Variants in MIB1 observed in about 807,000 individuals in gnomAD.
The protein encoded by MIB1 is MIB E3 ubiquitin protein ligase 1.
Under a neutral mutation model 124.5 loss-of-function variants are expected in MIB1, and 278 were observed. That is an observed-to-expected ratio of 2.23 (90% CI 2.02 to 2.47). MIB1 has a LOEUF of 2.47. Ranked by LOEUF, MIB1 falls within the 30% of genes most tolerant of loss-of-function variation. The probability of loss-of-function intolerance (pLI) is 0.00; values close to 1 mark genes in which losing one functional copy is unlikely to be tolerated. For synonymous variants in MIB1, 446 were observed against 429.4 expected (o/e 1.04, Z -0.48); for missense variants, 957 against 1,254.4 (o/e 0.76, Z 3.58).
rs534832167 is a variant in MIB1, at chr18:21,727,882, C to T, written n.167+22759C>T. On this transcript the variant is annotated intron_variant and non_coding_transcript_variant, in intron 1 of 20. Transcript: ENST00000578646. ...AGAAAATGAATTCTGCAAGCAATCA[C>T]ATGAACTTGGAAGAGGACCCTGAAC... Among the ~76,000 whole-genome samples the T allele has an allele frequency of 3.2e-4, 48 of 152,272 alleles. 1 individual carries two copies. The East Asian group carries it at 9.1e-3, about 29-fold the overall frequency.
At chr18:21,762,123 A>G (rs1195994710) in intron 1 of MIB1, among the ~76,000 whole-genome samples, 1 of 152,258 alleles carries the variant, frequency 6.6e-6, no homozygotes, top group Non-Finnish European at 1.5e-5. Flanking sequence ...GATTAAAAAT[A>G]CTACTTCAGT....
rs775096471 is a variant in MIB1, at chr18:21,843,112, A to T, written c.1963-19A>T. The T allele has an allele frequency of 1.6e-5, 26 of 1,583,888 alleles. No homozygotes were observed. Among genetic ancestry groups the T allele is most frequent in the Non-Finnish European group, 2.2e-5 (26 of 1,161,104 alleles). On this transcript the variant is annotated intron_variant, in intron 13 of 20. Coordinates refer to ENST00000261537, the MANE Select transcript of MIB1 (RefSeq NM_020774.4). ...TGTTGTCAAATTTTAACCATTTAAC[A>T]TTTGTTCTTCTCGTTCAGGGTAATG...
intron 1 of MIB1, among the ~76,000 whole-genome samples, chr18:21,730,318 G>A (rs1285273814): frequency 6.6e-6 from 1 of 152,200 alleles, no homozygotes; most frequent in East Asian, 1.9e-4. Flanking sequence ...TGTAATCCCA[G>A]CACTTCGGGA....
At chr18:21,818,343 C>T (rs1246216803) in intron 11 of MIB1, among the ~76,000 whole-genome samples, 3 of 152,142 alleles carry the variant, frequency 2.0e-5, no homozygotes, top group Non-Finnish European at 2.9e-5. Flanking sequence ...TGAAAGCCAC[C>T]GACTTTCAAT....
At chr18:21,836,815 G>A (rs2042037625) in intron 12 of MIB1, among the ~76,000 whole-genome samples, 1 of 152,112 alleles carries the variant, frequency 6.6e-6, no homozygotes, top group African/African-American at 2.4e-5. Context: ...TAGGGTAAGA[G>A]ATAATGTATG....
chr18:21,798,239 T>C lies in MIB1; in HGVS notation c.1237+11T>C, dbSNP rs749832925. On this transcript the variant is annotated intron_variant, in intron 8 of 20. Transcript: ENST00000261537. ...GCAATGCATCTGGTGGTATGTTTTA[T>C]ATTGTGTTTCTTTAAGAGTAATGTG... 1.9e-5 allele frequency: 30 copies of C among 1,612,276 alleles called. No individual in the cohort carries two copies. The highest frequency in any genetic ancestry group is 2.4e-5 in the Non-Finnish European group (28 of 1,178,776).
At chr18:21,771,987 CA>C (rs545732445) in intron 3 of MIB1, among the ~76,000 whole-genome samples, 22 of 142,578 alleles carry the variant, frequency 1.5e-4, no homozygotes, top group Non-Finnish European at 1.8e-4. Context: ...GTGACAAGAG[CA>C]AAAAAAAAAA....
In MIB1 at chr18:21,773,610, A is replaced by G; in HGVS notation, c.532-14A>G. The G allele has an allele frequency of 6.3e-7, 1 of 1,588,280 alleles. No homozygotes were observed. The highest frequency in any genetic ancestry group is 2.3e-5 in the East Asian group (1 of 44,300). On this transcript the variant is annotated splice_polypyrimidine_tract_variant and intron_variant, in intron 3 of 20. Transcript: ENST00000261537. ...CCTTTAAAAAACTTCTTTTCTCAAA[A>G]ACTATTCTGTTAGGTAACAGAAATC...
At chr18:21,761,169 A>G (rs2041093559) in intron 1 of MIB1, among the ~76,000 whole-genome samples, 1 of 151,998 alleles carries the variant, frequency 6.6e-6, no homozygotes, top group African/African-American at 2.4e-5. Flanking sequence ...TGCTTCTAAC[A>G]CAAATACCAA....
In MIB1 at chr18:21,750,209, A is replaced by C. The variant is rs376463280; in HGVS notation, c.229+8397A>C. Among the ~76,000 whole-genome samples the C allele has an allele frequency of 1.3e-4, 20 of 152,246 alleles. No individual in the cohort carries two copies. In the East Asian group the frequency reaches 2.3e-3, roughly 18 times the overall value. ...CAATGGCATGATCTCAGCTCACTGC[A>C]ACCTCTACCTCCTGGGTGCAAGCAA... On this transcript the variant is annotated intron_variant, in intron 1 of 20. Coordinates refer to ENST00000261537, the MANE Select transcript of MIB1 (RefSeq NM_020774.4).
At chr18:21,834,111 T>G (rs1181439087) in intron 12 of MIB1, among the ~76,000 whole-genome samples, 1 of 152,180 alleles carries the variant, frequency 6.6e-6, no homozygotes, top group Non-Finnish European at 1.5e-5. Context: ...GGGAACAGCC[T>G]GCTGCTGTCC....
chr18:21,724,726 A>ATT (rs1568176687), intron 1 of MIB1, among the ~76,000 whole-genome samples: 1 of 52,846 alleles, frequency 1.9e-5, no homozygotes, highest in Non-Finnish European at 3.5e-5. Context: ...AAAAAAAAAA[A>ATT]AATATATATA....
At chr18:21,749,473 A>G (rs1017659966) in intron 1 of MIB1, among the ~76,000 whole-genome samples, 1 of 152,166 alleles carries the variant, frequency 6.6e-6, no homozygotes, top group African/African-American at 2.4e-5. Context: ...TTTGTGTACT[A>G]ATTTTTAGCT....
intron 1 of MIB1, among the ~76,000 whole-genome samples, chr18:21,720,212 T>A (rs1310793418): frequency 1.3e-5 from 2 of 152,210 alleles, no homozygotes; most frequent in African/African-American, 2.4e-5. Flanking sequence ...AGAAATAGAA[T>A]ATCACTATGT....
chr18:21,765,705 C>T, intron 1 of MIB1, 67 bp from the exon 2 acceptor site: 25 of 1,459,544 alleles, frequency 1.7e-5, no homozygotes, highest in South Asian at 7.9e-5. Flanking sequence ...ATTTTTTTCC[C>T]CCAAGGAATA....
At chr18:21,730,063 G>A (rs971650564) in intron 1 of MIB1, among the ~76,000 whole-genome samples, 7 of 152,170 alleles carry the variant, frequency 4.6e-5, no homozygotes, top group African/African-American at 1.7e-4. Context: ...CTATGCCAGC[G>A]TGGTTGCACT....
At position 21,819,585 on chromosome 18, in the gene MIB1, ACCAT is replaced by A; in HGVS notation, c.1770_1773del (p.Ile591GlnfsTer14). 6.2e-7 allele frequency: 1 copy of A among 1,612,126 alleles called. No homozygotes were observed. Among genetic ancestry groups the A allele is most frequent in the South Asian group, 1.1e-5 (1 of 90,598 alleles). On this transcript the variant is annotated frameshift_variant, in exon 12 of 21. Transcript: ENST00000261537. LOFTEE classifies it high-confidence loss of function. ...TCTTTTGGAAGCTGGAGCAGATGTT[ACCAT>A]CACAAACAATAATGGATTTAATGCT...
At chr18:21,821,384 A>G (rs112280887) in intron 12 of MIB1, among the ~76,000 whole-genome samples, 2,866 of 152,048 alleles carry the variant, frequency 0.019, 42 homozygotes, top group East Asian at 0.07. Context: ...TGCTAATCCA[A>G]TCCCTCAGCC....
chr18:21,725,270 A>G (rs563801976), intron 1 of MIB1, among the ~76,000 whole-genome samples: 1 of 152,228 alleles, frequency 6.6e-6, no homozygotes, highest in South Asian at 2.1e-4. Context: ...TTAGGAACTG[A>G]AGCTGGAGAC....
Sources: gnomAD v4.1 joint callset for allele counts (sites outside exome capture counted in the v4.1 genomes callset) on GRCh38, gnomAD v4.1.1 for gene constraint, MANE v1.5 for transcripts, NCBI Gene and HGNC (gene_info 2026-07-23, HGNC 2026-07-21) for gene names.